The following VIPR2 variants were observed in gnomAD, a reference collection of about 807,000 sequenced individuals.
The protein encoded by VIPR2 is vasoactive intestinal polypeptide receptor 2.
Under a neutral mutation model 58.0 loss-of-function variants are expected in VIPR2, and 48 were observed. That is an observed-to-expected ratio of 0.83 (90% CI 0.66 to 1.05). VIPR2 has a LOEUF of 1.05. Among genes scored for constraint, VIPR2 ranks in the 50% least tolerant of loss-of-function variants. VIPR2 has a pLI of 0.00. For missense variants in VIPR2, 534 were observed against 558.0 expected (o/e 0.96, Z 0.43); for synonymous variants, 243 against 235.2 (o/e 1.03, Z -0.30).
intron 4 of VIPR2, among the ~76,000 whole-genome samples, chr7:159,064,380 G>A (rs1165412613): frequency 2.0e-5 from 3 of 152,160 alleles, no homozygotes; most frequent in Non-Finnish European, 4.4e-5. Flanking sequence ...CGGGACCGTG[G>A]CGGGGAGAGA....
chr7:159,100,194 T>A (rs984755477), intron 4 of VIPR2, among the ~76,000 whole-genome samples: 1 of 152,144 alleles, frequency 6.6e-6, no homozygotes. Flanking sequence ...GCAGACTGCA[T>A]GGGAATCAGA....
In VIPR2 at chr7:159,031,816, C is replaced by G; in HGVS notation, c.1143+12G>C. 6.2e-7 allele frequency: 1 copy of G among 1,613,958 alleles called. No individual in the cohort carries two copies. The highest frequency in any genetic ancestry group is 8.5e-7 in the Non-Finnish European group (1 of 1,180,016). On this transcript the variant is annotated intron_variant, in intron 12 of 12. Transcript: ENST00000262178. The surrounding 1 kb of genome is among the most constrained non-coding windows in gnomAD (Gnocchi z 4.0). ...GTACCTGTGCTTGGTTCCAAGGCGG[C>G]CATGAACTTACCTCACTGTTCAGGA...
Position 159,144,810 on chromosome 7 carries a change from G to A in VIPR2, c.-39C>T. On this transcript the variant is annotated 5_prime_UTR_variant, in exon 1 of 13. Transcript: ENST00000262178. ...TGCCGGGGGCCGCCCAGCGCCCGCC[G>A]CCTCCGTCCTAGGTCCCCGCGGTTC... 1 of 1,241,070 alleles carries A rather than the reference G, an allele frequency of 8.1e-7. No homozygotes were observed. Among genetic ancestry groups the A allele is most frequent in the Non-Finnish European group, 1.0e-6 (1 of 993,688 alleles). The allele number at this position is 1,241,070 out of a possible 1,614,324, so 76.9% of individuals were successfully genotyped here. A position where few individuals can be genotyped will look rare whatever the true frequency, so the allele number is the denominator to read the frequency against.
intron 5 of VIPR2, among the ~76,000 whole-genome samples, chr7:159,048,869 G>C (rs1854808432): frequency 6.6e-6 from 1 of 152,212 alleles, no homozygotes; most frequent in African/African-American, 2.4e-5. Context: ...GTTCTGCACA[G>C]CTCCAGGGGC....
intron 10 of VIPR2, among the ~76,000 whole-genome samples, chr7:159,033,600 C>T (rs1180312063): frequency 6.6e-6 from 1 of 152,122 alleles, no homozygotes; most frequent in Non-Finnish European, 1.5e-5. Flanking sequence ...GAACGTCTGC[C>T]CTGTCTTCAT....
At chr7:159,102,101 C>CGGG (rs1858317159) in intron 4 of VIPR2, among the ~76,000 whole-genome samples, 18 of 120,984 alleles carry the variant, frequency 1.5e-4, no homozygotes, top group Admixed American at 5.8e-4. Context: ...TGGTAGTGAA[C>CGGG]TGGTCTCACG....
At chr7:159,057,487 A>G (rs1377660077) in intron 5 of VIPR2, among the ~76,000 whole-genome samples, 1 of 151,780 alleles carries the variant, frequency 6.6e-6, no homozygotes, top group African/African-American at 2.4e-5. Flanking sequence ...ATTCTCAACC[A>G]CTCCTAACTT....
chr7:159,115,768 G>A (rs746596425), intron 2 of VIPR2, among the ~76,000 whole-genome samples: 4 of 152,260 alleles, frequency 2.6e-5, no homozygotes, highest in Non-Finnish European at 5.9e-5. Flanking sequence ...TGCTGGGAAT[G>A]GAGGAACTCA....
rs537073775 is a variant in VIPR2, at chr7:159,031,321, C to T, written c.1143+507G>A. Among the ~76,000 whole-genome samples, 29 of 139,816 alleles carry T rather than the reference C, an allele frequency of 2.1e-4. No individual in the cohort carries two copies. Among genetic ancestry groups the T allele is most frequent in the African/African-American group, 5.7e-4 (22 of 38,930 alleles). The allele number at this position is 139,816 out of a possible 152,430, so 91.7% of individuals were successfully genotyped here. ...AAGCGCCAGCAACCGCAGCGTGGGG[C>T]GGGAGGGTCAGGGGTCAGGGGACGG... On this transcript the variant is annotated intron_variant, in intron 12 of 12. Transcript: ENST00000262178. The surrounding 1 kb of genome is among the most constrained non-coding windows in gnomAD (Gnocchi z 4.0).
At chr7:159,078,731 C>T (rs982929678) in intron 4 of VIPR2, among the ~76,000 whole-genome samples, 1 of 152,170 alleles carries the variant, frequency 6.6e-6, no homozygotes, top group Non-Finnish European at 1.5e-5. Context: ...GTTGTTGCAT[C>T]GCGTTGTGCC....
chr7:159,109,757 A>G (rs1414332052), intron 3 of VIPR2, 55 bp downstream of exon 3: 3 of 1,516,108 alleles, frequency 2.0e-6, no homozygotes, highest in Non-Finnish European at 1.8e-6. Context: ...GAAAAAATGG[A>G]CGCTCAGATG....
intron 4 of VIPR2, among the ~76,000 whole-genome samples, chr7:159,065,853 G>A (rs1053020468): frequency 1.3e-5 from 2 of 152,044 alleles, no homozygotes; most frequent in African/African-American, 4.8e-5. Flanking sequence ...GAGTGCTCAG[G>A]GCTGACCCAC....
chr7:159,114,907 T>C (rs1341161687), intron 2 of VIPR2, among the ~76,000 whole-genome samples: 1 of 152,102 alleles, frequency 6.6e-6, no homozygotes, highest in Non-Finnish European at 1.5e-5. Context: ...TTAAACAGAA[T>C]TGTACAACTG....
chr7:159,087,496 T>C (rs1189783470), intron 4 of VIPR2, among the ~76,000 whole-genome samples: 7 of 119,228 alleles, frequency 5.9e-5, no homozygotes. Context: ...CAACAAACAA[T>C]ACCCAGGACT....
intron 4 of VIPR2, among the ~76,000 whole-genome samples, chr7:159,072,657 A>T (rs1217426735): frequency 6.6e-6 from 1 of 152,234 alleles, no homozygotes; most frequent in Non-Finnish European, 1.5e-5. Context: ...GTAATTATTG[A>T]TGTATATCCA....
intron 2 of VIPR2, among the ~76,000 whole-genome samples, chr7:159,130,402 C>T (rs144460343): frequency 6.6e-6 from 1 of 152,172 alleles, no homozygotes; most frequent in Admixed American, 6.5e-5. Flanking sequence ...TCCCCAGTTA[C>T]CCCTGCAGAT....
chr7:159,116,012 A>G (rs1796223745), intron 2 of VIPR2, among the ~76,000 whole-genome samples: 1 of 152,158 alleles, frequency 6.6e-6, no homozygotes, highest in Non-Finnish European at 1.5e-5. Flanking sequence ...AGCTCCACCC[A>G]TTGGACATGG....
In VIPR2 at chr7:159,034,227, G is replaced by A. The variant is rs1585324903; in HGVS notation, c.957C>T (p.Asp319=). The change falls in exon 10 of 13, where the codon GAC becomes GAT. Residue 319 remains aspartate (D), a synonymous_variant. Coordinates refer to ENST00000262178, the MANE Select transcript of VIPR2 (RefSeq NM_003382.5). ...CACACACTCACTTGTACTGAGACTGGTCGTTGCCGCCGACATCTGGGGATG... is the reference window on the plus strand; with the variant it reads ...CACACACTCACTTGTACTGAGACTGATCGTTGCCGCCGACATCTGGGGATG... ...KLTSPDVGGN[D]QSQYKRLAKS... is the part of the protein sequence containing the mutation. 1 of 1,614,072 alleles carries A rather than the reference G, an allele frequency of 6.2e-7. No homozygotes were observed. Among genetic ancestry groups the A allele is most frequent in the East Asian group, 2.2e-5 (1 of 44,884 alleles).
At chr7:159,063,767 C>T (rs1855875866) in intron 4 of VIPR2, among the ~76,000 whole-genome samples, 1 of 100,966 alleles carries the variant, frequency 9.9e-6, no homozygotes, top group Non-Finnish European at 1.9e-5. Flanking sequence ...CTGGCGGGGT[C>T]TGGGAGTCCA....
Sources: gnomAD v4.1 joint callset for allele counts (sites outside exome capture counted in the v4.1 genomes callset) on GRCh38, gnomAD v4.1.1 for gene constraint, Gnocchi (gnomAD v3.1) non-coding constraint, MANE v1.5 for transcripts, NCBI Gene and HGNC (gene_info 2026-07-23, HGNC 2026-07-21) for gene names.